Variants in PLPP4 observed in about 807,000 individuals in gnomAD.
PLPP4 encodes phospholipid phosphatase 4, also known as diacylglycerol pyrophosphate like 2.
In PLPP4, 20 loss-of-function variants were observed where a neutral mutation model predicts 32.2. That is an observed-to-expected ratio of 0.62 (90% confidence interval 0.44 to 0.90). The LOEUF is 0.90. Among genes scored for constraint, PLPP4 ranks in the 40% least tolerant of loss-of-function variants. The pLI is 0.00. For synonymous variants in PLPP4, 127 were observed against 133.0 expected (o/e 0.95, Z 0.31); for missense variants, 257 against 353.1 (o/e 0.73, Z 2.18).
chr10:120,552,595 C>T (rs1847962274), intron 5 of PLPP4, among the ~76,000 whole-genome samples: 1 of 152,186 alleles, frequency 6.6e-6, no homozygotes, highest in Admixed American at 6.5e-5. Context: ...CTTTTGTGCT[C>T]ATTCCCAGGA....
upstream of PLPP4, chr10:120,457,166 C>T: frequency 4.6e-6 from 2 of 434,346 alleles, no homozygotes; most frequent in Non-Finnish European, 6.9e-6. Flanking sequence ...CCTGCCCCCG[C>T]CCGGCGCCCG....
At chr10:120,573,992 A>G (rs79936087) in intron 5 of PLPP4, among the ~76,000 whole-genome samples, 2,572 of 152,152 alleles carry the variant, frequency 0.017, 81 homozygotes, top group African/African-American at 0.059. Context: ...TAGGAGCTCC[A>G]TCCCCTCAGA....
At chr10:120,520,881 C>A in intron 4 of PLPP4, 90 bp from the exon 5 acceptor site, 7 of 1,499,810 alleles carry the variant, frequency 4.7e-6, no homozygotes, top group Non-Finnish European at 5.5e-6. Context: ...GAGGAAAGAG[C>A]TGGGGGCAGT....
chr10:120,561,175 T>G (rs186799587), intron 5 of PLPP4, among the ~76,000 whole-genome samples: 10 of 152,370 alleles, frequency 6.6e-5, no homozygotes, highest in Admixed American at 1.3e-4. Flanking sequence ...TTCTCAATGT[T>G]AAAGTCAGTT....
chr10:120,557,762 A>G (rs1189175010), intron 5 of PLPP4, among the ~76,000 whole-genome samples: 1 of 152,196 alleles, frequency 6.6e-6, no homozygotes, highest in Non-Finnish European at 1.5e-5. Flanking sequence ...AAGCTTTGAC[A>G]ATGAGAAAAG....
chr10:120,498,030 ACT>A (rs1403910514), intron 1 of PLPP4, among the ~76,000 whole-genome samples: 2 of 151,674 alleles, frequency 1.3e-5, no homozygotes, highest in East Asian at 3.9e-4. Flanking sequence ...ACAGAGCGAG[ACT>A]CTGTCTCAAA....
chr10:120,539,661 C>A (rs1047923040), intron 5 of PLPP4, among the ~76,000 whole-genome samples: 2 of 152,030 alleles, frequency 1.3e-5, no homozygotes, highest in Admixed American at 6.6e-5. Flanking sequence ...AATAAGCAGA[C>A]ATTTTCAGAA....
intron 5 of PLPP4, among the ~76,000 whole-genome samples, chr10:120,530,713 A>G (rs181295073): frequency 6.6e-6 from 1 of 152,156 alleles, no homozygotes; most frequent in Admixed American, 6.5e-5. Context: ...TGTGTTTAAC[A>G]TTGGAAGAAA....
At chr10:120,503,066 C>T (rs1394698554) in intron 1 of PLPP4, among the ~76,000 whole-genome samples, 3 of 152,212 alleles carry the variant, frequency 2.0e-5, no homozygotes, top group Non-Finnish European at 4.4e-5. Context: ...TCCCACTTTG[C>T]CTTCTCTTCT....
At chr10:120,529,537 TA>T (rs1175203180) in intron 5 of PLPP4, among the ~76,000 whole-genome samples, 2 of 152,098 alleles carry the variant, frequency 1.3e-5, no homozygotes, top group Non-Finnish European at 2.9e-5. Flanking sequence ...AGAGTCAGAT[TA>T]AAGGTTATAA....
intron 5 of PLPP4, among the ~76,000 whole-genome samples, chr10:120,570,690 C>T (rs1005703338): frequency 2.0e-5 from 3 of 152,084 alleles, no homozygotes; most frequent in African/African-American, 7.2e-5. Flanking sequence ...AATGACTAGA[C>T]CTTTCTTTAC....
At chr10:120,576,696 A>T (rs1024813315) in intron 6 of PLPP4, among the ~76,000 whole-genome samples, 1 of 152,222 alleles carries the variant, frequency 6.6e-6, no homozygotes, top group African/African-American at 2.4e-5. Context: ...CTAAGGTCTG[A>T]GGCCCTCCTG....
chr10:120,530,172 T>C (rs1202944169), intron 5 of PLPP4, among the ~76,000 whole-genome samples: 1 of 152,196 alleles, frequency 6.6e-6, no homozygotes, highest in African/African-American at 2.4e-5. Flanking sequence ...AGCATCAAAA[T>C]GCATAAATCA....
At chr10:120,509,709 T>A (rs918519835) in intron 2 of PLPP4, among the ~76,000 whole-genome samples, 1 of 152,170 alleles carries the variant, frequency 6.6e-6, no homozygotes, top group African/African-American at 2.4e-5. Context: ...ATTTGTACAA[T>A]GGGAATAATA....
rs552769091 is a variant in PLPP4 at position 120,463,305 on chromosome 10, C to T, written c.56+5944C>T. The stretch of plus-strand genomic sequence containing the variant: ...CCTCCCAAAGTGCTGGGATTACAGG[C>T]GTGAGCCACCGTGCCCGGCCTAGAA... On this transcript the variant is annotated intron_variant, in intron 1 of 6. Transcript: ENST00000398250. Among the ~76,000 whole-genome samples the T allele has an allele frequency of 1.5e-3, 234 of 152,200 alleles. 1 individual carries two copies. Among genetic ancestry groups the T allele is most frequent in the Non-Finnish European group, 2.7e-3 (182 of 67,998 alleles).
rs953759659 is a variant in PLPP4, at chr10:120,590,961, G to A, written c.*1459G>A. Among the ~76,000 whole-genome samples, 2 of 151,948 alleles carry A rather than the reference G, an allele frequency of 1.3e-5. No individual in the cohort carries two copies. The highest frequency in any genetic ancestry group is 4.8e-5 in the African/African-American group (2 of 41,352). On this transcript the variant is annotated 3_prime_UTR_variant, in exon 7 of 7. Transcript: ENST00000398250. ...TTTTTGTATTTTTAGTAGACACGGG[G>A]TTTCACCACGTTGGCCAGGCTGGTC...
At chr10:120,485,477 G>A (rs899462729) in intron 1 of PLPP4, among the ~76,000 whole-genome samples, 31 of 152,222 alleles carry the variant, frequency 2.0e-4, no homozygotes, top group Non-Finnish European at 4.1e-4. Context: ...GCCCAGGCCA[G>A]CCTAAAGTGA....
intron 1 of PLPP4, among the ~76,000 whole-genome samples, chr10:120,489,268 C>T (rs1844601242): frequency 6.6e-6 from 1 of 152,094 alleles, no homozygotes; most frequent in Admixed American, 6.5e-5. Context: ...TGGACAGGGA[C>T]ACATTGACCA....
intron 5 of PLPP4, among the ~76,000 whole-genome samples, chr10:120,572,319 G>C (rs1295813685): frequency 6.6e-6 from 1 of 152,256 alleles, no homozygotes; most frequent in Non-Finnish European, 1.5e-5. Context: ...ACAGTGGAGG[G>C]TTTCCACAGC....
Sources: gnomAD v4.1 joint callset for allele counts (sites outside exome capture counted in the v4.1 genomes callset) on GRCh38, gnomAD v4.1.1 for gene constraint, MANE v1.5 for transcripts, NCBI Gene and HGNC (gene_info 2026-07-23, HGNC 2026-07-21) for gene names.